SYTL3: variants seen among roughly 807,000 people sequenced by gnomAD.
SYTL3 encodes the protein synaptotagmin like 3.
A neutral mutation model predicts 82.1 loss-of-function variants in SYTL3; 88 were observed. The observed-to-expected ratio is 1.07, with a 90% CI of 0.90 to 1.28. SYTL3 has a LOEUF of 1.28. SYTL3 is among the 50% of genes most tolerant of loss of function. The pLI, the probability that SYTL3 is intolerant of heterozygous loss-of-function variation, is 0.00. For missense variants in SYTL3, 831 were observed against 757.6 expected, an observed-to-expected ratio of 1.10 and a Z score of -1.14; for synonymous variants, 311 against 289.4, an observed-to-expected ratio of 1.07 and a Z score of -0.76.
chr6:158,715,416 C>G (rs975432252), intron 9 of SYTL3, among the ~76,000 whole-genome samples: 1 of 152,156 alleles, frequency 6.6e-6, no homozygotes, highest in African/African-American at 2.4e-5. Context: ...ATGCTCACAG[C>G]TGTCAGGTGG....
intron 5 of SYTL3, among the ~76,000 whole-genome samples, chr6:158,676,066 T>C (rs1777995890): frequency 6.6e-6 from 1 of 152,194 alleles, no homozygotes; most frequent in Admixed American, 6.5e-5. Context: ...TTCAAGTTCA[T>C]ATGGAACCAA....
At chr6:158,696,324 C>G (rs748697714) in intron 6 of SYTL3, among the ~76,000 whole-genome samples, 1 of 151,752 alleles carries the variant, frequency 6.6e-6, no homozygotes, top group Non-Finnish European at 1.5e-5. Context: ...CTCAGCCTCC[C>G]GAGTAGCTGG....
intron 11 of SYTL3, among the ~76,000 whole-genome samples, chr6:158,732,968 A>AC (rs397886418): frequency 1.3e-5 from 2 of 150,478 alleles, no homozygotes; most frequent in Non-Finnish European, 3.0e-5. Context: ...AAAAAAAAAA[A>AC]CACTGTAAAA....
intron 11 of SYTL3, among the ~76,000 whole-genome samples, chr6:158,745,090 C>T (rs1304198887): frequency 3.3e-5 from 5 of 152,058 alleles, no homozygotes; most frequent in African/African-American, 7.3e-5. Flanking sequence ...TTCCCAGTCG[C>T]AGCCACTTAG....
chr6:158,750,138 T>C (rs1311133390), intron 12 of SYTL3, among the ~76,000 whole-genome samples: 2 of 151,820 alleles, frequency 1.3e-5, no homozygotes, highest in East Asian at 3.9e-4. Context: ...AAAAAGCAAA[T>C]TATGGAAGAA....
At chr6:158,685,216 C>T (rs75964529) in intron 6 of SYTL3, among the ~76,000 whole-genome samples, 25 of 135,662 alleles carry the variant, frequency 1.8e-4, no homozygotes, top group African/African-American at 5.9e-4. Flanking sequence ...CTCTCTCTCT[C>T]TTTTTTTTTT....
At chr6:158,718,243 A>T in intron 10 of SYTL3, 32 bp downstream of exon 10, 1 of 1,458,674 alleles carries the variant, frequency 6.9e-7, no homozygotes, top group Non-Finnish European at 9.1e-7. Context: ...CTCCACGCTG[A>T]TCACCTTCAT....
intron 6 of SYTL3, among the ~76,000 whole-genome samples, chr6:158,688,510 C>A (rs1583238859): frequency 3.3e-5 from 5 of 152,272 alleles, no homozygotes; most frequent in Admixed American, 6.5e-5. Context: ...TGCCTGTAAT[C>A]CCAGCATTTT....
chr6:158,758,246 C>T (rs1464362074), intron 14 of SYTL3, among the ~76,000 whole-genome samples: 1 of 152,122 alleles, frequency 6.6e-6, no homozygotes, highest in Non-Finnish European at 1.5e-5. Flanking sequence ...TGAGACCATC[C>T]TGGCTAACAC....
intron 6 of SYTL3, among the ~76,000 whole-genome samples, chr6:158,701,795 C>T (rs991970999): frequency 2.0e-5 from 3 of 151,858 alleles, no homozygotes; most frequent in African/African-American, 4.8e-5. Flanking sequence ...GCTGGTAGGC[C>T]GAAATTGAGG....
intron 1 of SYTL3, among the ~76,000 whole-genome samples, 166 bp downstream of exon 1, chr6:158,650,244 G>A (rs1325483003): frequency 6.6e-6 from 1 of 152,102 alleles, no homozygotes; most frequent in Non-Finnish European, 1.5e-5. Flanking sequence ...TAATTTTATT[G>A]AATAACATAC....
chr6:158,755,816 G>A (rs1478213922), intron 13 of SYTL3, among the ~76,000 whole-genome samples: 1 of 152,162 alleles, frequency 6.6e-6, no homozygotes, highest in Non-Finnish European at 1.5e-5. Context: ...CCAAACAAGC[G>A]CCGGAGTGGG....
At position 158,757,278 on chromosome 6, in the gene SYTL3, T is replaced by C. The variant is rs763515534; in HGVS notation, c.1205T>C (p.Leu402Pro). The change falls in exon 14 of 18, where the codon CTG becomes CCG. Residue 402 changes from leucine (L) to proline (P), a missense_variant. Physicochemically the swap from Leu to Pro is moderately conservative, Grantham distance 98 (BLOSUM62 -3). Coordinates refer to ENST00000611299, the MANE Select transcript of SYTL3 (RefSeq NM_001242394.2). ...GTCTCGGTGTGGCATCTGGGCACGC[T>C]GGCCCGGAGAGTGTTTCTTGGAGAA... is the stretch of plus-strand genomic sequence containing the variant. ...LQVSVWHLGT[L>P]ARRVFLGEVI... is the part of the protein sequence containing the mutation. 9 of 1,613,368 alleles carry C rather than the reference T, an allele frequency of 5.6e-6. 1 individual carries two copies. In the South Asian group the frequency reaches 9.9e-5, roughly 18 times the overall value.
At chr6:158,757,066 A>C in intron 13 of SYTL3, 145 bp from the exon 14 acceptor site, 1 of 513,952 alleles carries the variant, frequency 1.9e-6, no homozygotes, top group Non-Finnish European at 3.1e-6. Flanking sequence ...CCCTGGCTGC[A>C]TCCGCATCTT....
At chr6:158,693,855 C>CTTTTTTTTTTTTTTTTTTT (rs575358067) in intron 6 of SYTL3, among the ~76,000 whole-genome samples, 1 of 96,864 alleles carries the variant, frequency 1.0e-5, no homozygotes, top group African/African-American at 5.4e-5. Context: ...TTTTTCTTTT[C>CTTTTTTTTTTTTTTTTTTT]TTTTTTTTTT....
intron 9 of SYTL3, 74 bp from the exon 10 acceptor site, chr6:158,718,012 AC>A (rs926074115): frequency 7.2e-7 from 1 of 1,390,782 alleles, no homozygotes; most frequent in African/African-American, 1.5e-5. Context: ...GGTTCAGTGA[AC>A]CCCAGAAGAG....
At chr6:158,690,279 A>G (rs1779724458) in intron 6 of SYTL3, among the ~76,000 whole-genome samples, 1 of 152,236 alleles carries the variant, frequency 6.6e-6, no homozygotes, top group African/African-American at 2.4e-5. Flanking sequence ...TTTGGCCACA[A>G]AAAGTGCTGT....
chr6:158,716,778 G>A (rs563891464), intron 9 of SYTL3, among the ~76,000 whole-genome samples: 1 of 152,148 alleles, frequency 6.6e-6, no homozygotes, highest in Non-Finnish European at 1.5e-5. Context: ...CCAGCCGGGG[G>A]GTCAAGAGCC....
At chr6:158,686,478 G>A (rs1231982564) in intron 6 of SYTL3, among the ~76,000 whole-genome samples, 1 of 152,178 alleles carries the variant, frequency 6.6e-6, no homozygotes, top group East Asian at 1.9e-4. Flanking sequence ...CAGGTTAGGA[G>A]CACACAAGTA....
Sources: gnomAD v4.1 joint callset for allele counts (sites outside exome capture counted in the v4.1 genomes callset) on GRCh38, gnomAD v4.1.1 for gene constraint, MANE v1.5 for transcripts, NCBI Gene and HGNC (gene_info 2026-07-23, HGNC 2026-07-21) for gene names.